Variants in HELZ2 observed in about 807,000 individuals in gnomAD.
HELZ2 encodes 3'-5' exoribonuclease HELZ2.
HELZ2 carries 143 observed loss-of-function variants against 208.8 expected under a neutral mutation model. The observed-to-expected ratio is 0.68, with a 90% confidence interval of 0.60 to 0.79. HELZ2 has a LOEUF of 0.79. Among genes scored for constraint, HELZ2 ranks in the 30% least tolerant of loss-of-function variants. HELZ2 has a pLI of 0.00. For missense variants in HELZ2, 3,690 were observed against 3,794.5 expected, an observed-to-expected ratio of 0.97 and a Z score of 0.72; for synonymous variants, 1,705 against 1,693.7, an observed-to-expected ratio of 1.01 and a Z score of -0.16.
Position 63,560,166 on chromosome 20 carries a change from C to T in HELZ2, c.7657+5G>A. The T allele has an allele frequency of 6.4e-7, 1 of 1,552,322 alleles. No individual in the cohort carries two copies. Among genetic ancestry groups the T allele is most frequent in the Non-Finnish European group, 8.7e-7 (1 of 1,153,908 alleles). On this transcript the variant is annotated splice_donor_5th_base_variant and intron_variant, in intron 17 of 18. Transcript: ENST00000467148. ...CCGGCCCCACCCACGAGCCCCCAGC[C>T]TCACCCTGGCTCTTGGTGATGGAGG...
exon 12 of HELZ2, chr20:63,561,612 G>A (rs1260065914): frequency 1.1e-5 from 18 of 1,606,656 alleles, no homozygotes; most frequent in Non-Finnish European, 1.5e-5. Context: ...TGAGGCTCTG[G>A]TTCGGCCTCC....
At position 63,560,983 on chromosome 20, in the gene HELZ2, G is replaced by A. The variant is rs932297567; in HGVS notation, c.7147-54C>T. ...CACCCCTAGACCCAGAGGGACCCCAGCCCCACACGACACCCGCGTCTGCAC... is the reference window on the plus strand; with the variant it reads ...CACCCCTAGACCCAGAGGGACCCCAACCCCACACGACACCCGCGTCTGCAC... On this transcript the variant is annotated intron_variant, in intron 14 of 18. Transcript: ENST00000467148. 2.5e-6 allele frequency: 4 copies of A among 1,600,642 alleles called. No homozygotes were observed. The African/African-American group carries it at 4.0e-5, about 16-fold the overall frequency.
exon 8 of HELZ2, chr20:63,565,434 G>T: frequency 6.2e-7 from 1 of 1,610,354 alleles, no homozygotes; most frequent in Non-Finnish European, 8.5e-7. Flanking sequence ...GAGCAGTGGC[G>T]GTACCGCTCG....
At chr20:63,567,696 T>C in intron 5 of HELZ2, 69 bp from the exon 7 acceptor site, 1 of 1,520,490 alleles carries the variant, frequency 6.6e-7, no homozygotes, top group Middle Eastern at 1.7e-4. Flanking sequence ...AAGCACCTAC[T>C]GTGTGCCCAG....
chr20:63,572,362 C>CT lies in HELZ2; in HGVS notation c.23dup (p.Leu9AlafsTer16), dbSNP rs1380101092. ...GGTCCCCCCGCTGGAGGCCACCCAG[C>CT]TGCTCGGCCTCCCACACAGCCATCT... is the stretch of plus-strand genomic sequence containing the variant. On this transcript the variant is annotated frameshift_variant, in exon 1 of 19. Coordinates refer to ENST00000467148, the Ensembl canonical transcript of HELZ2. LOFTEE classifies it high-confidence loss of function. 1.3e-6 allele frequency: 2 copies of CT among 1,552,936 alleles called. No homozygotes were observed. The highest frequency in any genetic ancestry group is 2.3e-5 in the East Asian group (1 of 43,222).
At chr20:63,563,002 C>T (rs1043936422) in exon 8 of HELZ2, 7 of 1,601,270 alleles carry the variant, frequency 4.4e-6, no homozygotes, top group African/African-American at 1.3e-5. Flanking sequence ...CGCAGGCGTA[C>T]TCATCCACGT....
At chr20:63,563,104 T>C (rs1043968251) in exon 8 of HELZ2, 2 of 1,595,708 alleles carry the variant, frequency 1.3e-6, no homozygotes, top group Non-Finnish European at 1.7e-6. Flanking sequence ...TGAAGCCCGG[T>C]GCCACCGTCC....
At position 63,572,152 on chromosome 20, in the gene HELZ2, G is replaced by A. The variant is rs370626477; in HGVS notation, c.234C>T (p.His78=). Residue 78 remains histidine (H), a synonymous_variant, in exon 1 of 19, where the codon CAC becomes CAT. Coordinates refer to ENST00000467148, the Ensembl canonical transcript of HELZ2. Reference sequence around the variant, plus strand: ...TGGAGAGTCCCGGGGGTGGGGAACGGTGCTCCCAGGGCAGGGCCTGGTCGA... The same window carrying A: ...TGGAGAGTCCCGGGGGTGGGGAACGATGCTCCCAGGGCAGGGCCTGGTCGA... The A allele has an allele frequency of 5.0e-6, 8 of 1,611,548 alleles. No individual in the cohort carries two copies. In the African/African-American group the frequency reaches 9.3e-5, roughly 19 times the overall value.
chr20:63,565,409 G>A lies in HELZ2; in HGVS notation c.3413C>T (p.Thr1138Ile), dbSNP rs1169018489. 1.9e-6 allele frequency: 3 copies of A among 1,610,986 alleles called. No homozygotes were observed. The South Asian group carries it at 3.3e-5, about 18-fold the overall frequency. Residue 1138 changes from threonine (T) to isoleucine (I), a missense_variant, in exon 8 of 19, where the codon ACC becomes ATC. By Grantham distance (89) the Thr-to-Ile change is moderately conservative. This residue lies in a region of HELZ2 where 2,564 missense variants were observed against 2,580.5 expected (regional missense o/e 0.99). Transcript: ENST00000467148. ...CGGGATGGCTGACGCCCGCTCGAAG[G>A]TCTCTGGCACGAAAGAGCAGTGGCG...
chr20:63,564,739 G>A lies in HELZ2; in HGVS notation c.4083C>T (p.Asp1361=), dbSNP rs370992699. ...CAGCCACCTCGCACCTGGGACCCAGGTCTCGGACACTGAGGGCATCATCGA... is the reference window on the plus strand; with the variant it reads ...CAGCCACCTCGCACCTGGGACCCAGATCTCGGACACTGAGGGCATCATCGA... The change falls in exon 8 of 19, where the codon GAC becomes GAT. Residue 1361 remains aspartate (D), a synonymous_variant. Coordinates refer to ENST00000467148, the Ensembl canonical transcript of HELZ2. The A allele has an allele frequency of 6.8e-6, 11 of 1,611,430 alleles. No homozygotes were observed. In the African/African-American group the frequency reaches 1.2e-4, roughly 18 times the overall value.
At chr20:63,570,459 T>A (rs865984348) in intron 3 of HELZ2, 45 bp downstream of exon 4, 4 of 1,542,146 alleles carry the variant, frequency 2.6e-6, no homozygotes, top group Non-Finnish European at 3.6e-6. Flanking sequence ...AAGTCACCAC[T>A]TCCCCAGGGC....
chr20:63,561,536 C>T, intron 12 of HELZ2, 65 bp downstream of exon 13: 1 of 1,576,260 alleles, frequency 6.3e-7, no homozygotes, highest in South Asian at 1.2e-5. Flanking sequence ...GTGAGACCCA[C>T]CTACACAGGA....
At chr20:63,567,068 G>T (rs747498084) in exon 6 of HELZ2, 2 of 1,612,140 alleles carry the variant, frequency 1.2e-6, no homozygotes, top group Admixed American at 1.7e-5. Context: ...GCGTGGATGG[G>T]GTTGCCCTTG....
chr20:63,561,602 T>A (rs1276897652), exon 12 of HELZ2: 2 of 1,602,476 alleles, frequency 1.2e-6, no homozygotes, highest in Non-Finnish European at 1.7e-6. Context: ...CAGGCACACC[T>A]GAGGCTCTGG....
exon 14 of HELZ2, chr20:63,561,086 T>G: frequency 1.2e-6 from 2 of 1,610,642 alleles, no homozygotes. Context: ...ACCAACCTTC[T>G]CGGCCTGTGG....
Position 63,561,107 on chromosome 20 carries a change from AG to A in HELZ2, c.7120del (p.Leu2374TrpfsTer71). On this transcript the variant is annotated frameshift_variant, in exon 14 of 19. Coordinates refer to ENST00000467148, the Ensembl canonical transcript of HELZ2. LOFTEE classifies it high-confidence loss of function. ...CTTCTCGGCCTGTGGGAACTGCACC[AG>A]GGGGATGAGGGTTTCAGGTTCCGTG... The A allele has an allele frequency of 1.9e-6, 3 of 1,612,568 alleles. No homozygotes were observed. Among genetic ancestry groups the A allele is most frequent in the Non-Finnish European group, 2.5e-6 (3 of 1,179,750 alleles).
exon 8 of HELZ2, chr20:63,562,867 G>C: frequency 6.2e-7 from 1 of 1,606,684 alleles, no homozygotes; most frequent in East Asian, 2.2e-5. Flanking sequence ...GGCGGAAGGC[G>C]CCCTGCAGCT....
At position 63,566,465 on chromosome 20, in the gene HELZ2, G is replaced by C. The variant is rs1166269934; in HGVS notation, c.2515-12C>G. The C allele has an allele frequency of 6.5e-7, 1 of 1,547,538 alleles. No homozygotes were observed. Among genetic ancestry groups the C allele is most frequent in the South Asian group, 1.2e-5 (1 of 83,942 alleles). On this transcript the variant is annotated splice_polypyrimidine_tract_variant and intron_variant, in intron 6 of 18. Coordinates refer to ENST00000467148, the Ensembl canonical transcript of HELZ2. ...CTCAGTGCACTGACCTGAAGACGCAGCAGGGCCGGGGATGAGTGCTGGACG... is the reference window on the plus strand; with the variant it reads ...CTCAGTGCACTGACCTGAAGACGCACCAGGGCCGGGGATGAGTGCTGGACG...
Position 63,564,056 on chromosome 20 carries a change from C to T in HELZ2, c.4766G>A (p.Gly1589Asp), listed in dbSNP as rs145214493. 2.5e-4 allele frequency: 398 copies of T among 1,604,114 alleles called. 2 individuals carry two copies. The African/African-American group carries it at 3.4e-3, about 14-fold the overall frequency. Residue 1589 changes from glycine to aspartate, a missense_variant, in exon 8 of 19, where the codon GGC becomes GAC. Physicochemically the swap from Gly to Asp is moderately conservative, Grantham distance 94 (BLOSUM62 -1). Around this residue, in one of 3 missense-constraint regions of HELZ2, gnomAD observed 2,564 missense variants for 2,580.5 expected, o/e 0.99. Transcript: ENST00000467148. ...GTGCAGCCGCGTGTCGGGGGGACTG[C>T]CCCCGCCGCCGTGCAGGTGGTGGCC...
Sources: allele counts gnomAD v4.1 joint callset, GRCh38; gene constraint gnomAD v4.1.1; regional missense constraint gnomAD v4.1.1; transcripts MANE v1.5; gene names NCBI Gene and HGNC (gene_info 2026-07-23, HGNC 2026-07-21).